Variants in KCNIP4 observed in about 807,000 individuals in gnomAD.
The protein encoded by KCNIP4 is Kv channel-interacting protein 4.
A neutral mutation model predicts 34.0 loss-of-function variants in KCNIP4; 12 were observed. That is an observed-to-expected ratio of 0.35 (90% CI 0.23 to 0.57). KCNIP4 has a LOEUF of 0.57. Ranked by LOEUF, KCNIP4 falls within the 20% of genes least tolerant of loss-of-function variation. KCNIP4 has a pLI of 0.83. For synonymous variants in KCNIP4, 124 were observed against 102.2 expected, an observed-to-expected ratio of 1.21 and a Z score of -1.29; for missense variants, 238 against 311.7, an observed-to-expected ratio of 0.76 and a Z score of 1.78.
intron 1 of KCNIP4, among the ~76,000 whole-genome samples, chr4:21,244,093 A>G (rs186701926): frequency 6.6e-6 from 1 of 152,308 alleles, no homozygotes; most frequent in Admixed American, 6.5e-5. Context: ...TTTTAACAAA[A>G]TGTTCATTTT....
At chr4:21,765,750 G>A (rs1176910522) in intron 1 of KCNIP4, among the ~76,000 whole-genome samples, 1 of 145,526 alleles carries the variant, frequency 6.9e-6, no homozygotes, top group East Asian at 2.1e-4. Context: ...ACAGATGCAA[G>A]CCACCTGCCT....
At chr4:21,819,084 A>T (rs1427611418) in intron 1 of KCNIP4, among the ~76,000 whole-genome samples, 1 of 152,236 alleles carries the variant, frequency 6.6e-6, no homozygotes, top group Non-Finnish European at 1.5e-5. Flanking sequence ...TTCTTCATAA[A>T]GTTTCAAACA....
At chr4:21,064,795 T>C (rs991323037) in intron 1 of KCNIP4, among the ~76,000 whole-genome samples, 1 of 152,096 alleles carries the variant, frequency 6.6e-6, no homozygotes, top group Non-Finnish European at 1.5e-5. Context: ...AAATGTATTG[T>C]GAAATTAAAA....
chr4:21,574,091 T>C (rs192479707), intron 1 of KCNIP4, among the ~76,000 whole-genome samples: 2 of 152,074 alleles, frequency 1.3e-5, no homozygotes, highest in Non-Finnish European at 2.9e-5. Context: ...AGGAGAAAAA[T>C]TCTAACGACT....
rs373810523 is a variant in KCNIP4 at position 21,893,800 on chromosome 4, T to C, written c.61+54771A>G. ...CAACTCTTCCTCAAATACATGAAGC[T>C]GTAGTTGCATGGTATTTTTATTGGC... On this transcript the variant is annotated intron_variant, in intron 1 of 8. Transcript: ENST00000382152. Among the ~76,000 whole-genome samples, 5 of 152,286 alleles carry C rather than the reference T, an allele frequency of 3.3e-5. No individual in the cohort carries two copies. The East Asian group carries it at 7.7e-4, about 24-fold the overall frequency.
chr4:21,297,245 A>T (rs1763895616), intron 1 of KCNIP4, among the ~76,000 whole-genome samples: 1 of 151,976 alleles, frequency 6.6e-6, no homozygotes, highest in East Asian at 1.9e-4. Flanking sequence ...GCCTTCCAAA[A>T]ATTCATCTGT....
At chr4:21,523,583 T>C (rs1735721150) in intron 1 of KCNIP4, among the ~76,000 whole-genome samples, 1 of 152,028 alleles carries the variant, frequency 6.6e-6, no homozygotes, top group African/African-American at 2.4e-5. Context: ...TTCTCTTTCT[T>C]TTCTTTCAGA....
At chr4:21,762,063 C>G (rs1391672350) in intron 1 of KCNIP4, among the ~76,000 whole-genome samples, 1 of 152,034 alleles carries the variant, frequency 6.6e-6, no homozygotes, top group South Asian at 2.1e-4. Flanking sequence ...CACTTTCTAA[C>G]AAAAATATAA....
At chr4:20,954,586 C>T (rs1733108849) in intron 1 of KCNIP4, among the ~76,000 whole-genome samples, 1 of 152,104 alleles carries the variant, frequency 6.6e-6, no homozygotes, top group Admixed American at 6.5e-5. Context: ...CAAGACATTA[C>T]AAAATAATCT....
intron 3 of KCNIP4, among the ~76,000 whole-genome samples, chr4:20,837,157 A>G (rs918459782): frequency 6.6e-5 from 10 of 152,188 alleles, no homozygotes; most frequent in Non-Finnish European, 1.2e-4. Context: ...GGGAGTTAGA[A>G]TATCAGATGT....
intron 1 of KCNIP4, among the ~76,000 whole-genome samples, chr4:21,830,793 G>A (rs1722936916): frequency 6.6e-6 from 1 of 152,140 alleles, no homozygotes; most frequent in Non-Finnish European, 1.5e-5. Flanking sequence ...TAAAGTATAT[G>A]TTAGGTCAAA....
rs542466897 is a variant in KCNIP4 at position 21,737,930 on chromosome 4, C to T, written c.61+210641G>A. On this transcript the variant is annotated intron_variant, in intron 1 of 8. Transcript: ENST00000382152. ...AAACCCTGTCTCTACTAAAAACACA[C>T]ACACACAAAAAAAATTAGTGGGGCA... 4.0e-5 allele frequency among the ~76,000 whole-genome samples: 6 copies of T among 151,164 alleles called. 1 individual carries two copies. The South Asian group carries it at 1.3e-3, about 32-fold the overall frequency.
At chr4:21,224,195 G>T (rs1332889744) in intron 1 of KCNIP4, among the ~76,000 whole-genome samples, 1 of 151,998 alleles carries the variant, frequency 6.6e-6, no homozygotes, top group East Asian at 1.9e-4. Flanking sequence ...CACAGAATCG[G>T]CAGTTTAAAC....
At chr4:21,809,140 TTGAG>T (rs33986738) in intron 1 of KCNIP4, among the ~76,000 whole-genome samples, 57,008 of 151,682 alleles carry the variant, frequency 0.38, 11,763 homozygotes, top group East Asian at 0.64. Context: ...ACATTAGCAT[TTGAG>T]TAAGTAGACT....
At chr4:21,613,582 G>A (rs1475392768) in intron 1 of KCNIP4, 1 of 152,080 alleles carries the variant, frequency 6.6e-6, no homozygotes, top group African/African-American at 2.4e-5. Context: ...AATGCCTATT[G>A]TTGTTTTAAG....
chr4:21,373,630 C>G lies in KCNIP4; in HGVS notation c.62-490921G>C, dbSNP rs1383797715. 3.4e-5 allele frequency among the ~76,000 whole-genome samples: 5 copies of G among 147,248 alleles called. No homozygotes were observed. The East Asian group carries it at 7.9e-4, about 23-fold the overall frequency. The stretch of plus-strand genomic sequence containing the variant: ...ACAAAGGTTCATGGCCAGGTTCTGG[C>G]CCAGTGTAATGATCAACAAGTCATA... On this transcript the variant is annotated intron_variant, in intron 1 of 8. Transcript: ENST00000382152.
At chr4:20,987,925 C>T (rs534143098) in intron 1 of KCNIP4, among the ~76,000 whole-genome samples, 4 of 140,128 alleles carry the variant, frequency 2.9e-5, no homozygotes, top group Non-Finnish European at 6.0e-5. Flanking sequence ...CTCGTGAACC[C>T]GGGAGACGGA....
chr4:20,860,175 T>C (rs1002183528), intron 2 of KCNIP4, among the ~76,000 whole-genome samples: 1 of 152,034 alleles, frequency 6.6e-6, no homozygotes, highest in Non-Finnish European at 1.5e-5. Flanking sequence ...GTCTCGCTCT[T>C]GTTGCCCAGG....
At chr4:21,110,519 T>C (rs1749067210) in intron 1 of KCNIP4, among the ~76,000 whole-genome samples, 1 of 152,266 alleles carries the variant, frequency 6.6e-6, no homozygotes, top group African/African-American at 2.4e-5. Context: ...TCTATTACAT[T>C]AGTGCCAGTT....
Sources: gnomAD v4.1 joint callset for allele counts (sites outside exome capture counted in the v4.1 genomes callset) on GRCh38, gnomAD v4.1.1 for gene constraint, MANE v1.5 for transcripts, NCBI Gene and HGNC (gene_info 2026-07-23, HGNC 2026-07-21) for gene names.